TNKS1BP1: variants seen among roughly 807,000 people sequenced by gnomAD.
TNKS1BP1 encodes CCR4-NOT transcription complex subunit 12, also known as 182 kDa tankyrase-1-binding protein.
In TNKS1BP1, 48 loss-of-function variants were observed where a neutral mutation model predicts 141.1. That is an observed-to-expected ratio of 0.34 (90% CI 0.27 to 0.43). TNKS1BP1 has a LOEUF of 0.43. Ranked by LOEUF, TNKS1BP1 falls within the 20% of genes least tolerant of loss-of-function variation. The pLI, the probability that TNKS1BP1 is intolerant of heterozygous loss-of-function variation, is 1.00. For synonymous variants in TNKS1BP1, 875 were observed against 898.2 expected (o/e 0.97, Z 0.46); for missense variants, 2,149 against 2,226.0 (o/e 0.97, Z 0.70).
chr11:57,322,311 A>C (rs1855900915), intron 1 of TNKS1BP1: 3 of 998,674 alleles, frequency 3.0e-6, no homozygotes, highest in Non-Finnish European at 3.6e-6. Flanking sequence ...AGAGCTGCAA[A>C]GTATGAAGTC....
Position 57,313,598 on chromosome 11 carries a change from C to A in TNKS1BP1, c.1090G>T (p.Ala364Ser). 6.3e-7 allele frequency: 1 copy of A among 1,595,228 alleles called. No individual in the cohort carries two copies. Among genetic ancestry groups the A allele is most frequent in the Non-Finnish European group, 8.5e-7 (1 of 1,171,550 alleles). The part of the protein sequence containing the change: ...PGLPAEGAPE[A>S]PRPSSPPPEV... Reference sequence around the variant, plus strand: ...GGGGGTGGGCTGCTGGGTCTGGGGGCCTCTGGAGCCCCCTCGGCAGGGAGC... The same window carrying A: ...GGGGGTGGGCTGCTGGGTCTGGGGGACTCTGGAGCCCCCTCGGCAGGGAGC... The change falls in exon 5 of 12, where the codon GCC becomes TCC. Residue 364 changes from alanine to serine, a missense_variant. Transcript: ENST00000358252.
Position 57,309,197 on chromosome 11 carries a change from C to T in TNKS1BP1, c.3514G>A (p.Val1172Met). The T allele has an allele frequency of 6.2e-7, 1 of 1,614,226 alleles. No individual in the cohort carries two copies. The highest frequency in any genetic ancestry group is 8.5e-7 in the Non-Finnish European group (1 of 1,180,050). ...CCCCCAGAACCCACACAGCTGGACACTTCCAAGTTCCTGAGACCCAGCTGG... is the reference window on the plus strand; with the variant it reads ...CCCCCAGAACCCACACAGCTGGACATTTCCAAGTTCCTGAGACCCAGCTGG... ...TDQLGLRNLEVSSCVGSGGSS... is the reference protein window; with the variant it reads ...TDQLGLRNLEMSSCVGSGGSS... The change falls in exon 6 of 12, where the codon GTG (valine) becomes ATG (methionine). Residue 1172 changes from valine to methionine, a missense_variant. Coordinates refer to ENST00000358252, the MANE Select transcript of TNKS1BP1 (RefSeq NM_033396.3). This position sits in a 1 kb window ranked among gnomAD's most constrained non-coding sequence, Gnocchi z 4.3.
intron 4 of TNKS1BP1, among the ~76,000 whole-genome samples, chr11:57,314,744 G>T (rs920223233): frequency 5.3e-5 from 8 of 152,118 alleles, no homozygotes; most frequent in African/African-American, 1.9e-4. Flanking sequence ...CCTGTCCCCA[G>T]ACAATGAAGT....
chr11:57,320,725 A>G lies in TNKS1BP1; in HGVS notation c.95-13T>C. ...GCCCGAGTGTCACCTACCAAAAGGA[A>G]AGGGTTGGTGGGGGAGCTGTCAGAA... On this transcript the variant is annotated splice_polypyrimidine_tract_variant and intron_variant, in intron 2 of 11. Coordinates refer to ENST00000358252, the MANE Select transcript of TNKS1BP1 (RefSeq NM_033396.3). The G allele has an allele frequency of 6.4e-7, 1 of 1,556,754 alleles. No homozygotes were observed. The highest frequency in any genetic ancestry group is 8.7e-7 in the Non-Finnish European group (1 of 1,151,830).
chr11:57,323,259 TC>T (rs1466335539), intron 1 of TNKS1BP1, among the ~76,000 whole-genome samples: 1 of 151,984 alleles, frequency 6.6e-6, no homozygotes, highest in Non-Finnish European at 1.5e-5. Flanking sequence ...TCCTTCACTC[TC>T]CCAGGCCCTA....
chr11:57,316,853 C>A (rs1169529743), intron 4 of TNKS1BP1, among the ~76,000 whole-genome samples: 1 of 152,200 alleles, frequency 6.6e-6, no homozygotes, highest in Non-Finnish European at 1.5e-5. Flanking sequence ...CCATGCCTCT[C>A]CTGCAAACCC....
chr11:57,319,487 G>A (rs543054536), intron 3 of TNKS1BP1, among the ~76,000 whole-genome samples: 35 of 152,230 alleles, frequency 2.3e-4, no homozygotes, highest in African/African-American at 7.0e-4. Flanking sequence ...CTTCTTGGCC[G>A]GGCGTGGTGG....
rs1855528494 is a variant in TNKS1BP1, at chr11:57,301,819, G to A, written c.4959C>T (p.Pro1653=). 4.3e-6 allele frequency: 7 copies of A among 1,613,920 alleles called. No homozygotes were observed. Among genetic ancestry groups the A allele is most frequent in the African/African-American group, 1.3e-5 (1 of 74,916 alleles). Residue 1653 remains proline, a synonymous_variant, in exon 9 of 12, where the codon CCC becomes CCT. Coordinates refer to ENST00000358252, the MANE Select transcript of TNKS1BP1 (RefSeq NM_033396.3). The stretch of plus-strand genomic sequence containing the variant: ...GATCAGATGGTACCTTCAGGGCTGA[G>A]GGGCTCAGGCCAGGAAAGAGGTTGA... ...LKVNLFPGLS[P]SALKAKLRPR... is the part of the protein sequence containing the mutation.
chr11:57,314,891 C>G (rs1035443706), intron 4 of TNKS1BP1, among the ~76,000 whole-genome samples: 8 of 152,140 alleles, frequency 5.3e-5, no homozygotes, highest in African/African-American at 1.9e-4. Flanking sequence ...TTCTCAAGGT[C>G]CCTTCTGTTC....
chr11:57,321,983 G>T, intron 1 of TNKS1BP1, 33 bp from the exon 2 acceptor site: 2 of 1,465,480 alleles, frequency 1.4e-6, no homozygotes, highest in South Asian at 1.3e-5. Context: ...AGGAAAAAAA[G>T]AGTTGGGCGT....
In TNKS1BP1 at chr11:57,313,597, G is replaced by T. The variant is rs200307952; in HGVS notation, c.1091C>A (p.Ala364Asp). 6.3e-7 allele frequency: 1 copy of T among 1,595,206 alleles called. No individual in the cohort carries two copies. Among genetic ancestry groups the T allele is most frequent in the African/African-American group, 1.3e-5 (1 of 74,596 alleles). ...AGGGGGTGGGCTGCTGGGTCTGGGG[G>T]CCTCTGGAGCCCCCTCGGCAGGGAG... ...PGLPAEGAPE[A>D]PRPSSPPPEV... The change falls in exon 5 of 12, where the codon GCC (alanine) becomes GAC (aspartate). Residue 364 changes from alanine to aspartate, a missense_variant. Ala to Asp is a moderately radical substitution (Grantham distance 126, BLOSUM62 -2). Coordinates refer to ENST00000358252, the MANE Select transcript of TNKS1BP1 (RefSeq NM_033396.3).
intron 5 of TNKS1BP1, chr11:57,311,560 G>T: frequency 1.5e-6 from 1 of 672,976 alleles, no homozygotes; most frequent in Non-Finnish European, 1.8e-6. Flanking sequence ...CCCACATCCC[G>T]GGACAGACAC....
Position 57,320,400 on chromosome 11 carries a change from C to T in TNKS1BP1, c.407G>A (p.Cys136Tyr), listed in dbSNP as rs867636987. 4 of 1,612,304 alleles carry T rather than the reference C, an allele frequency of 2.5e-6. No homozygotes were observed. The highest frequency in any genetic ancestry group is 3.4e-6 in the Non-Finnish European group (4 of 1,178,682). ...EPPPLTPPARCAAPGGVRKAP... is the reference protein window; with the variant it reads ...EPPPLTPPARYAAPGGVRKAP... Reference sequence around the variant, plus strand: ...CTTCCGTACACCCCCTGGGGCTGCACATCGAGCTGGGGGTGTCAAAGGGGG... The same window carrying T: ...CTTCCGTACACCCCCTGGGGCTGCATATCGAGCTGGGGGTGTCAAAGGGGG... Residue 136 changes from cysteine to tyrosine, a missense_variant, in exon 3 of 12, where the codon TGT becomes TAT. Transcript: ENST00000358252.
chr11:57,307,267 T>G (rs1394128345), intron 6 of TNKS1BP1, among the ~76,000 whole-genome samples: 1 of 152,090 alleles, frequency 6.6e-6, no homozygotes, highest in African/African-American at 2.4e-5. Context: ...CCCAGCAACC[T>G]GCCCAGGACC....
At position 57,320,839 on chromosome 11, in the gene TNKS1BP1, T is replaced by C. The variant is rs938402632; in HGVS notation, c.95-127A>G. The C allele has an allele frequency of 1.7e-5, 19 of 1,113,136 alleles. No individual in the cohort carries two copies. The East Asian group carries it at 5.2e-4, about 30-fold the overall frequency. The allele number at this position is 1,113,136 out of a possible 1,614,324, so 69.0% of individuals were successfully genotyped here. On this transcript the variant is annotated intron_variant, in intron 2 of 11. Transcript: ENST00000358252. ...ATATTCACATCTTTCTAGGCACAAG[T>C]CATATGCCACCTCTTCCATGAAGCC...
chr11:57,302,653 G>A lies in TNKS1BP1; in HGVS notation c.4489C>T (p.Leu1497=). 1.2e-6 allele frequency: 2 copies of A among 1,610,240 alleles called. No homozygotes were observed. Among genetic ancestry groups the A allele is most frequent in the Non-Finnish European group, 1.7e-6 (2 of 1,179,164 alleles). ...GGTGGAGAGTCCCTGCCAGGCTCCA[G>A]CACCTCCTCTTGGGCAGCACCTGCC... ...AGAGAAQEEV[L]EPGRDSPPSW... Residue 1497 remains leucine, a synonymous_variant, in exon 7 of 12, where the codon CTG becomes TTG. Transcript: ENST00000358252. This position sits in a 1 kb window ranked among gnomAD's most constrained non-coding sequence, Gnocchi z 5.5.
chr11:57,311,500 T>A (rs1392149306), intron 5 of TNKS1BP1: 1 of 979,644 alleles, frequency 1.0e-6, no homozygotes, highest in Non-Finnish European at 1.2e-6. Context: ...CCCTGCTCCC[T>A]CCGGAGCAGC....
In TNKS1BP1 at chr11:57,310,238, C is replaced by T. The variant is rs1415438871; in HGVS notation, c.2473G>A (p.Val825Ile). 3 of 1,614,192 alleles carry T rather than the reference C, an allele frequency of 1.9e-6. No individual in the cohort carries two copies. The South Asian group carries it at 3.3e-5, about 18-fold the overall frequency. Reference sequence around the variant, plus strand: ...GTGCCAAGCTGGGCTGGCTTTCCAACTACCCGGTCCTGGGCTGTGAGCACC... The same window carrying T: ...GTGCCAAGCTGGGCTGGCTTTCCAATTACCCGGTCCTGGGCTGTGAGCACC... Reference protein sequence around the residue: ...PGVLTAQDRVVGKPAQLGTQR... With the variant: ...PGVLTAQDRVIGKPAQLGTQR... Residue 825 changes from valine (V) to isoleucine (I), a missense_variant, in exon 6 of 12, where the codon GTT becomes ATT. Coordinates refer to ENST00000358252, the MANE Select transcript of TNKS1BP1 (RefSeq NM_033396.3).
chr11:57,308,639 C>A lies in TNKS1BP1; in HGVS notation c.4072G>T (p.Ala1358Ser). The change falls in exon 6 of 12, where the codon GCT becomes TCT. Residue 1358 changes from alanine to serine, a missense_variant. Physicochemically the swap from Ala to Ser is moderately conservative, Grantham distance 99. Transcript: ENST00000358252. ...LAPQNVELFG[A>S]PSEAREHGVG... ...CCATGCTCCCTGGCTTCACTTGGAGCCCCAAAGAGCTCCACATTCTGGGGC... is the reference window on the plus strand; with the variant it reads ...CCATGCTCCCTGGCTTCACTTGGAGACCCAAAGAGCTCCACATTCTGGGGC... 1 of 1,613,406 alleles carries A rather than the reference C, an allele frequency of 6.2e-7. No homozygotes were observed. The highest frequency in any genetic ancestry group is 8.5e-7 in the Non-Finnish European group (1 of 1,179,992).
Sources: allele counts gnomAD v4.1 joint callset (sites outside exome capture counted in the v4.1 genomes callset), GRCh38; gene constraint gnomAD v4.1.1; non-coding constraint Gnocchi (gnomAD v3.1); transcripts MANE v1.5; gene names NCBI Gene and HGNC (gene_info 2026-07-23, HGNC 2026-07-21).